USP48: variants seen among roughly 807,000 people sequenced by gnomAD.
USP48 encodes ubiquitin specific peptidase 48.
USP48 carries 43 observed loss-of-function variants against 150.7 expected under a neutral mutation model. The ratio of observed to expected loss-of-function variants is 0.29; its 90% CI spans 0.22 to 0.37. The LOEUF (loss-of-function observed/expected upper bound fraction) is 0.37, where lower values mean the gene tolerates loss of function less well. USP48 is among the 10% of genes least tolerant of loss of function. USP48 has a pLI of 1.00. For synonymous variants in USP48, 396 were observed against 425.9 expected (o/e 0.93, Z 0.86); for missense variants, 813 against 1,249.6 (o/e 0.65, Z 5.27).
chr1:21,703,088 G>A (rs2097661973), intron 21 of USP48, among the ~76,000 whole-genome samples: 1 of 152,206 alleles, frequency 6.6e-6, no homozygotes, highest in African/African-American at 2.4e-5. Context: ...CGCCTCTCCT[G>A]TCTACTCCCT....
intron 1 of USP48, among the ~76,000 whole-genome samples, chr1:21,780,034 C>T (rs1473371019): frequency 6.6e-6 from 1 of 152,200 alleles, no homozygotes; most frequent in Admixed American, 6.5e-5. Context: ...ACAGAATTGA[C>T]TGTGTATGAC....
At chr1:21,708,591 A>G (rs2097680224) in intron 15 of USP48, among the ~76,000 whole-genome samples, 1 of 152,024 alleles carries the variant, frequency 6.6e-6, no homozygotes, top group South Asian at 2.1e-4. Flanking sequence ...TTATTTATTT[A>G]ATAGAAAACA....
At chr1:21,711,149 C>T (rs2097689117) in intron 15 of USP48, among the ~76,000 whole-genome samples, 1 of 151,740 alleles carries the variant, frequency 6.6e-6, no homozygotes, top group East Asian at 1.9e-4. Context: ...GAGGCAACAA[C>T]AGGGATAAAA....
At chr1:21,680,495 A>T (rs1428573601) in intron 26 of USP48, among the ~76,000 whole-genome samples, 1 of 152,238 alleles carries the variant, frequency 6.6e-6, no homozygotes, top group Non-Finnish European at 1.5e-5. Context: ...AACTGGGAAA[A>T]GGTTAAAAAT....
intron 25 of USP48, among the ~76,000 whole-genome samples, chr1:21,683,139 T>C (rs111929882): frequency 4.9e-4 from 74 of 152,258 alleles, no homozygotes; most frequent in South Asian, 1.7e-3. Flanking sequence ...TGCATGCCTA[T>C]AGTCCCAGCT....
intron 22 of USP48, among the ~76,000 whole-genome samples, chr1:21,696,433 T>C (rs1001400709): frequency 1.3e-5 from 2 of 152,146 alleles, no homozygotes; most frequent in Non-Finnish European, 2.9e-5. Context: ...AGCGAAACTC[T>C]GTCTCAAAAA....
At chr1:21,766,497 G>C (rs907503731) in intron 1 of USP48, among the ~76,000 whole-genome samples, 6 of 152,158 alleles carry the variant, frequency 3.9e-5, no homozygotes, top group Non-Finnish European at 8.8e-5. Flanking sequence ...TTTCAGTTCT[G>C]TTTTGGTAGA....
intron 11 of USP48, chr1:21,726,473 A>G (rs2097737463): frequency 6.6e-6 from 1 of 152,236 alleles, no homozygotes; most frequent in South Asian, 2.1e-4. Context: ...TATAATTCTA[A>G]TCTAATACCA....
intron 1 of USP48, among the ~76,000 whole-genome samples, chr1:21,762,301 G>C (rs77192486): frequency 0.076 from 11,598 of 152,078 alleles, 499 homozygotes; most frequent in Middle Eastern, 0.11. Context: ...AACTGATTCT[G>C]AGACTGAGAA....
chr1:21,731,453 G>A (rs1183155611), intron 9 of USP48, among the ~76,000 whole-genome samples: 1 of 151,592 alleles, frequency 6.6e-6, no homozygotes, highest in East Asian at 2.0e-4. Context: ...TAGTGGAGAT[G>A]AGGATTTACC....
Position 21,748,164 on chromosome 1 carries a change from C to G in USP48, c.882G>C (p.Leu294Phe). 1 of 1,613,454 alleles carries G rather than the reference C, an allele frequency of 6.2e-7. No individual in the cohort carries two copies. Among genetic ancestry groups the G allele is most frequent in the Non-Finnish European group, 8.5e-7 (1 of 1,179,788 alleles). The change falls in exon 7 of 27, where the codon TTG (leucine) becomes TTC (phenylalanine). Residue 294 changes from leucine to phenylalanine, a missense_variant. Transcript: ENST00000308271. ...TGTCAAAGACAAAACGCATTAGCTG[C>G]AAGTTCAGAGTGCAAGGAAGGCTAA... is the stretch of plus-strand genomic sequence containing the variant. ...RLLSLPCTLN[L>F]QLMRFVFDRQ... is the part of the protein sequence containing the mutation.
chr1:21,732,658 A>T (rs1041154491), intron 9 of USP48: 1 of 356,856 alleles, frequency 2.8e-6, no homozygotes, highest in Non-Finnish European at 5.4e-6. Flanking sequence ...GTCACAAAAA[A>T]CTTACTATAT....
At chr1:21,763,844 G>A (rs530350910) in intron 1 of USP48, among the ~76,000 whole-genome samples, 160 of 152,074 alleles carry the variant, frequency 1.1e-3, no homozygotes, top group African/African-American at 3.6e-3. Context: ...AGGAAGGGAG[G>A]GAGGGAGGGA....
intron 25 of USP48, among the ~76,000 whole-genome samples, chr1:21,682,998 C>T (rs1368557801): frequency 6.6e-6 from 1 of 152,164 alleles, no homozygotes; most frequent in Non-Finnish European, 1.5e-5. Context: ...CAATAGCTCA[C>T]ATCTGTAATC....
chr1:21,694,402 C>G (rs2097615361), intron 23 of USP48, among the ~76,000 whole-genome samples: 1 of 151,424 alleles, frequency 6.6e-6, no homozygotes, highest in Non-Finnish European at 1.5e-5. Flanking sequence ...GAAACCCTGT[C>G]TCTACTAAAA....
chr1:21,767,299 C>T (rs564927476), intron 1 of USP48, among the ~76,000 whole-genome samples: 35 of 152,068 alleles, frequency 2.3e-4, no homozygotes, highest in Non-Finnish European at 4.3e-4. Flanking sequence ...TAGGCATGAG[C>T]CACTGTGCCT....
intron 1 of USP48, among the ~76,000 whole-genome samples, chr1:21,770,314 C>T (rs1190854876): frequency 6.6e-6 from 1 of 151,730 alleles, no homozygotes; most frequent in Admixed American, 6.6e-5. Flanking sequence ...ATAATCTGCT[C>T]AATTCAAAGT....
chr1:21,684,601 C>T (rs1211485393), intron 25 of USP48, among the ~76,000 whole-genome samples: 2 of 152,176 alleles, frequency 1.3e-5, no homozygotes. Flanking sequence ...TTTGAGGTCT[C>T]AGCTAAAATC....
At chr1:21,782,714 C>T in intron 1 of USP48, 110 bp downstream of exon 1, 1 of 1,390,210 alleles carries the variant, frequency 7.2e-7, no homozygotes, top group Non-Finnish European at 9.3e-7. Flanking sequence ...CGCTCGGCTC[C>T]GCGCCTCCCA....
Sources: gnomAD v4.1 joint callset for allele counts (sites outside exome capture counted in the v4.1 genomes callset) on GRCh38, gnomAD v4.1.1 for gene constraint, MANE v1.5 for transcripts, NCBI Gene and HGNC (gene_info 2026-07-23, HGNC 2026-07-21) for gene names.